The following ENTREP2 variants were observed in gnomAD, a reference collection of about 807,000 sequenced individuals.
The protein encoded by ENTREP2 is protein ENTREP2.
chr15:29,362,374 T>C, the ENTREP2 span, among the ~76,000 whole-genome samples: 1 of 136,114 alleles, frequency 7.3e-6, no homozygotes, highest in East Asian at 2.1e-4. Context: ...AATCTTTTTT[T>C]TTTTTTTTTT....
chr15:29,491,068 G>A, the ENTREP2 span, among the ~76,000 whole-genome samples: 39 of 152,292 alleles, frequency 2.6e-4, no homozygotes, highest in Non-Finnish European at 4.3e-4. Context: ...TGGCACAGGC[G>A]GGCCAGCAGT....
the ENTREP2 span, among the ~76,000 whole-genome samples, chr15:29,530,327 G>T: frequency 5.3e-5 from 8 of 152,128 alleles, no homozygotes; most frequent in Non-Finnish European, 1.2e-4. Flanking sequence ...CTGACCTATG[G>T]GGAAAAGTGG....
At chr15:29,384,403 G>A in the ENTREP2 span, among the ~76,000 whole-genome samples, 1 of 151,988 alleles carries the variant, frequency 6.6e-6, no homozygotes, top group African/African-American at 2.4e-5. Flanking sequence ...CTGCCGGCAC[G>A]CTCCTGTTTC....
At chr15:29,124,805 G>C in the ENTREP2 span, 1 of 1,499,416 alleles carries the variant, frequency 6.7e-7, no homozygotes, top group Admixed American at 2.0e-5. Context: ...AAGGAAAAAG[G>C]AATTCCTGAG....
the ENTREP2 span, among the ~76,000 whole-genome samples, chr15:29,585,351 C>T: frequency 6.6e-6 from 1 of 152,018 alleles, no homozygotes; most frequent in African/African-American, 2.4e-5. Context: ...TATTGAATTG[C>T]GTGAAACCCT....
the ENTREP2 span, chr15:29,613,939 C>A: frequency 6.3e-6 from 1 of 159,032 alleles, no homozygotes; most frequent in Non-Finnish European, 1.4e-5. Context: ...ACCAGGACTG[C>A]CTTCTTCCAT....
chr15:29,489,284 T>C, the ENTREP2 span, among the ~76,000 whole-genome samples: 16,749 of 152,188 alleles, frequency 0.11, 1,051 homozygotes, highest in African/African-American at 0.16. Flanking sequence ...AGGGTACTGA[T>C]TTAAGATAAT....
At chr15:29,640,836 G>C in the ENTREP2 span, among the ~76,000 whole-genome samples, 1 of 152,176 alleles carries the variant, frequency 6.6e-6, no homozygotes, top group African/African-American at 2.4e-5. Context: ...CTATGAGCCT[G>C]ATAATAGCCC....
the ENTREP2 span, chr15:29,234,162 C>A: frequency 5.9e-4 from 946 of 1,591,188 alleles, 15 homozygotes; most frequent in South Asian, 9.7e-3. Flanking sequence ...CGTTCACTCT[C>A]AGGCCTTGAT....
chr15:29,284,743 T>C, the ENTREP2 span, among the ~76,000 whole-genome samples: 1 of 152,230 alleles, frequency 6.6e-6, no homozygotes, highest in African/African-American at 2.4e-5. Flanking sequence ...GAAACACAGC[T>C]TCTCTGCATA....
At chr15:29,128,053 G>C in the ENTREP2 span, among the ~76,000 whole-genome samples, 2 of 152,220 alleles carry the variant, frequency 1.3e-5, no homozygotes, top group Non-Finnish European at 2.9e-5. Flanking sequence ...GATGCTGAGT[G>C]AGTGTTCAGC....
the ENTREP2 span, among the ~76,000 whole-genome samples, chr15:29,423,359 G>A: frequency 6.6e-6 from 1 of 152,058 alleles, no homozygotes; most frequent in Non-Finnish European, 1.5e-5. Flanking sequence ...CATATAAATA[G>A]TACACCCTAA....
chr15:29,624,341 A>T, the ENTREP2 span, among the ~76,000 whole-genome samples: 5 of 152,044 alleles, frequency 3.3e-5, no homozygotes, highest in Non-Finnish European at 5.9e-5. Context: ...GCGCACACAC[A>T]CACACACACG....
the ENTREP2 span, among the ~76,000 whole-genome samples, chr15:29,476,855 T>G: frequency 1.3e-5 from 2 of 152,142 alleles, no homozygotes; most frequent in Non-Finnish European, 2.9e-5. Context: ...GGAAAACCGA[T>G]TGCCAGCCAC....
the ENTREP2 span, among the ~76,000 whole-genome samples, chr15:29,527,892 C>T: frequency 6.6e-6 from 1 of 152,244 alleles, no homozygotes; most frequent in Non-Finnish European, 1.5e-5. Context: ...CACGGGCTTG[C>T]TGGTTTCGCT....
the ENTREP2 span, among the ~76,000 whole-genome samples, chr15:29,356,845 C>T: frequency 6.6e-6 from 1 of 152,094 alleles, no homozygotes. Context: ...CAATAAACAT[C>T]CCAATAAGGG....
the ENTREP2 span, chr15:29,151,776 G>A: frequency 1.3e-6 from 2 of 1,551,760 alleles, no homozygotes; most frequent in Admixed American, 2.0e-5. Flanking sequence ...TACAGCACAT[G>A]GCTGTGGCCA....
chr15:29,220,240 G>A, the ENTREP2 span, among the ~76,000 whole-genome samples: 658 of 152,186 alleles, frequency 4.3e-3, 2 homozygotes, highest in African/African-American at 0.015. Flanking sequence ...CTTGGCCTAC[G>A]CAAAGCCTGG....
the ENTREP2 span, among the ~76,000 whole-genome samples, chr15:29,322,158 G>A: frequency 5.3e-5 from 8 of 151,912 alleles, no homozygotes; most frequent in South Asian, 1.7e-3. Flanking sequence ...TTTTTTAATT[G>A]ACAAACTTAT....
Sources: gnomAD v4.1 joint callset for allele counts (sites outside exome capture counted in the v4.1 genomes callset) on GRCh38, gnomAD v4.1.1 for gene constraint, MANE v1.5 for transcripts, NCBI Gene and HGNC (gene_info 2026-07-23, HGNC 2026-07-21) for gene names.